Variants in GABRR3 observed in about 807,000 individuals in gnomAD.
The protein encoded by GABRR3 is gamma-aminobutyric acid receptor subunit rho-3.
GABRR3 carries 29 observed loss-of-function variants against 43.2 expected under a neutral mutation model. That is an observed-to-expected ratio of 0.67 (90% confidence interval 0.50 to 0.92). The LOEUF is 0.92. Among genes scored for constraint, GABRR3 ranks in the 40% least tolerant of loss-of-function variants. The pLI, the probability that GABRR3 is intolerant of heterozygous loss-of-function variation, is 0.00. For synonymous variants in GABRR3, 206 were observed against 195.9 expected (o/e 1.05, Z -0.43); for missense variants, 576 against 572.3 (o/e 1.01, Z -0.07).
At chr3:98,017,428 A>T (rs1021257347) in intron 4 of GABRR3, among the ~76,000 whole-genome samples, 11 of 152,246 alleles carry the variant, frequency 7.2e-5, no homozygotes, top group Non-Finnish European at 5.9e-5. Flanking sequence ...CACCACTAGA[A>T]ATCCATTAGA....
At chr3:98,027,339 A>G (rs957505447) in intron 2 of GABRR3, among the ~76,000 whole-genome samples, 4 of 152,230 alleles carry the variant, frequency 2.6e-5, no homozygotes, top group African/African-American at 9.6e-5. Context: ...GGCCTAGAAA[A>G]TAGTAGACAT....
At chr3:97,989,864 C>A (rs1385430179) in intron 9 of GABRR3, among the ~76,000 whole-genome samples, 1 of 152,132 alleles carries the variant, frequency 6.6e-6, no homozygotes, top group Non-Finnish European at 1.5e-5. Context: ...TGCTCACAGA[C>A]CTAAGCAACA....
chr3:97,988,503 T>A (rs1251685661), intron 9 of GABRR3, among the ~76,000 whole-genome samples: 1 of 152,156 alleles, frequency 6.6e-6, no homozygotes, highest in Non-Finnish European at 1.5e-5. Flanking sequence ...AATATGTACA[T>A]GAACATGATG....
intron 3 of GABRR3, among the ~76,000 whole-genome samples, chr3:98,023,241 C>T (rs1706973946): frequency 6.6e-6 from 1 of 152,190 alleles, no homozygotes; most frequent in Non-Finnish European, 1.5e-5. Flanking sequence ...AATCTTTCTT[C>T]CTTTACATGG....
At chr3:97,986,041 C>T (rs2873242), downstream of GABRR3, among the ~76,000 whole-genome samples, 40,541 of 151,712 alleles carry the variant, frequency 0.27, 5,504 homozygotes, top group African/African-American at 0.33. Context: ...AATTTTTGTA[C>T]GTTTAGTAGA....
chr3:97,991,981 A>T (rs1706474659), intron 9 of GABRR3, among the ~76,000 whole-genome samples: 1 of 152,148 alleles, frequency 6.6e-6, no homozygotes, highest in African/African-American at 2.4e-5. Flanking sequence ...ATGTGTGTTT[A>T]TTCTGTTAAG....
rs776966566 is a variant in GABRR3 at position 98,012,573 on chromosome 3, C to G, written c.307-6G>C. ...TAAAAAGTCATTGTAAAGTCCTAGA[C>G]AGAGAGAAAAAGAGACCAAAAAAAC... is the stretch of plus-strand genomic sequence containing the variant. On this transcript the variant is annotated splice_polypyrimidine_tract_variant and splice_region_variant and intron_variant, in intron 4 of 9. Transcript: ENST00000621172. The G allele has an allele frequency of 2.5e-6, 4 of 1,594,478 alleles. No homozygotes were observed. Among genetic ancestry groups the G allele is most frequent in the African/African-American group, 2.9e-5 (2 of 70,112 alleles).
At chr3:98,017,338 G>A (rs944844841) in intron 4 of GABRR3, among the ~76,000 whole-genome samples, 2 of 152,196 alleles carry the variant, frequency 1.3e-5, no homozygotes, top group African/African-American at 4.8e-5. Context: ...CGCACATATA[G>A]TATGGTCATC....
At chr3:98,014,797 T>C (rs551314418) in intron 4 of GABRR3, among the ~76,000 whole-genome samples, 1 of 152,332 alleles carries the variant, frequency 6.6e-6, no homozygotes, top group East Asian at 1.9e-4. Context: ...AAAGATTATT[T>C]GATTTTAGTG....
At chr3:97,994,975 A>C (rs2107228064) in intron 8 of GABRR3, among the ~76,000 whole-genome samples, 1 of 151,854 alleles carries the variant, frequency 6.6e-6, no homozygotes, top group Non-Finnish European at 1.5e-5. Context: ...TAACCTCATT[A>C]ATTTGAATTT....
intron 2 of GABRR3, among the ~76,000 whole-genome samples, chr3:98,033,007 C>A (rs1186889782): frequency 2.0e-5 from 3 of 152,136 alleles, no homozygotes; most frequent in African/African-American, 7.2e-5. Context: ...TGACTCTATA[C>A]AGTAATTACT....
chr3:98,031,205 T>C (rs558938608), intron 2 of GABRR3, among the ~76,000 whole-genome samples: 1 of 152,318 alleles, frequency 6.6e-6, no homozygotes, highest in South Asian at 2.1e-4. Context: ...AATGCTTCAC[T>C]TGAAACACGA....
intron 4 of GABRR3, among the ~76,000 whole-genome samples, chr3:98,013,171 T>A (rs1472391261): frequency 6.6e-6 from 1 of 152,202 alleles, no homozygotes; most frequent in Non-Finnish European, 1.5e-5. Context: ...CAAAGTTTAG[T>A]GTGCAAAGAC....
chr3:98,019,224 G>T (rs1459681829), intron 3 of GABRR3, among the ~76,000 whole-genome samples: 2 of 152,192 alleles, frequency 1.3e-5, no homozygotes, highest in African/African-American at 4.8e-5. Flanking sequence ...TCCTTAATGA[G>T]GCTGAGGCTA....
chr3:98,010,934 T>A (rs1706782019), intron 5 of GABRR3, among the ~76,000 whole-genome samples: 1 of 152,128 alleles, frequency 6.6e-6, no homozygotes, highest in Admixed American at 6.5e-5. Context: ...ACCTTGTCTC[T>A]ACTAAAAATA....
intron 9 of GABRR3, among the ~76,000 whole-genome samples, chr3:97,990,781 T>TG (rs1314823293): frequency 1.3e-5 from 2 of 151,198 alleles, no homozygotes; most frequent in Admixed American, 1.3e-4. Flanking sequence ...TTCCAGGGCC[T>TG]GGGGGGAGGG....
intron 7 of GABRR3, among the ~76,000 whole-genome samples, chr3:98,002,639 G>C (rs1706665753): frequency 6.6e-6 from 1 of 151,706 alleles, no homozygotes; most frequent in Non-Finnish European, 1.5e-5. Flanking sequence ...CAATAACTAT[G>C]TGCTAATCTT....
intron 4 of GABRR3, among the ~76,000 whole-genome samples, chr3:98,014,903 A>T (rs1159063451): frequency 6.6e-6 from 1 of 152,204 alleles, no homozygotes; most frequent in South Asian, 2.1e-4. Flanking sequence ...ATTATTACAA[A>T]AATAATACAC....
At chr3:98,008,921 G>A (rs1223785979) in intron 6 of GABRR3, 35 bp downstream of exon 6, 3 of 1,258,030 alleles carry the variant, frequency 2.4e-6, no homozygotes, top group Admixed American at 1.9e-5. Flanking sequence ...GTGTTCAAAT[G>A]ATGTGCACTC....
Sources: gnomAD v4.1 joint callset for allele counts (sites outside exome capture counted in the v4.1 genomes callset) on GRCh38, gnomAD v4.1.1 for gene constraint, MANE v1.5 for transcripts, NCBI Gene and HGNC (gene_info 2026-07-23, HGNC 2026-07-21) for gene names.